Variants in SRBD1 observed in about 807,000 individuals in gnomAD.
SRBD1 encodes the protein S1 RNA binding domain 1, also known as S1 RNA-binding domain-containing protein 1.
In SRBD1, 88 loss-of-function variants were observed where a neutral mutation model predicts 115.3. That is an observed-to-expected ratio of 0.76 (90% CI 0.64 to 0.91). SRBD1 has a LOEUF of 0.91. Among genes scored for constraint, SRBD1 ranks in the 40% least tolerant of loss-of-function variants. The pLI, the probability that SRBD1 is intolerant of heterozygous loss-of-function variation, is 0.00. For synonymous variants in SRBD1, 509 were observed against 407.7 expected, an observed-to-expected ratio of 1.25 and a Z score of -2.99; for missense variants, 1,385 against 1,177.4, an observed-to-expected ratio of 1.18 and a Z score of -2.58.
chr2:45,422,947 C>A (rs983950064), intron 16 of SRBD1, among the ~76,000 whole-genome samples: 3 of 152,140 alleles, frequency 2.0e-5, no homozygotes, highest in African/African-American at 4.8e-5. Flanking sequence ...GCAAGCCCAA[C>A]TACCAGATTT....
At chr2:45,426,640 C>T (rs1668164018) in intron 16 of SRBD1, among the ~76,000 whole-genome samples, 1 of 152,176 alleles carries the variant, frequency 6.6e-6, no homozygotes, top group African/African-American at 2.4e-5. Context: ...TAGGACAAAG[C>T]TTCCAGAGGA....
rs537212504 is a variant in SRBD1, at chr2:45,595,269, G to A, written c.648+4180C>T. 5.9e-5 allele frequency among the ~76,000 whole-genome samples: 9 copies of A among 152,186 alleles called. No individual in the cohort carries two copies. In the East Asian group the frequency reaches 9.6e-4, roughly 16 times the overall value. On this transcript the variant is annotated intron_variant, in intron 4 of 20. Coordinates refer to ENST00000263736, the MANE Select transcript of SRBD1 (RefSeq NM_018079.5). Reference sequence around the variant, plus strand: ...CAGAGTTGAGAAATACACCTTGAACGGAAAAAAACAGAGGACCAAGTTATC... The same window carrying A: ...CAGAGTTGAGAAATACACCTTGAACAGAAAAAAACAGAGGACCAAGTTATC...
intron 14 of SRBD1, among the ~76,000 whole-genome samples, chr2:45,500,978 G>A (rs1160317679): frequency 6.6e-6 from 1 of 152,162 alleles, no homozygotes; most frequent in Non-Finnish European, 1.5e-5. Flanking sequence ...TAGTAGAAAG[G>A]CTTTCAGTTT....
chr2:45,523,867 C>G (rs1671361727), intron 14 of SRBD1, among the ~76,000 whole-genome samples: 1 of 151,880 alleles, frequency 6.6e-6, no homozygotes, highest in Admixed American at 6.6e-5. Flanking sequence ...AAAAAAGACA[C>G]CACAGGAAAA....
chr2:45,546,765 T>C lies in SRBD1; in HGVS notation c.1841A>G (p.Lys614Arg). The change falls in exon 14 of 21, where the codon AAG becomes AGG. Residue 614 changes from lysine to arginine, a missense_variant. By Grantham distance (26) the Lys-to-Arg change is conservative. Coordinates refer to ENST00000263736, the MANE Select transcript of SRBD1 (RefSeq NM_018079.5). Reference sequence around the variant, plus strand: ...AACATCCAGTGGTGCAAAATAATTCTTCATTATCAGGTCAGCAAAGTAAGC... The same window carrying C: ...AACATCCAGTGGTGCAAAATAATTCCTCATTATCAGGTCAGCAAAGTAAGC... The part of the protein sequence containing the change: ...TEAYFADLIM[K>R]NYFAPLDVVY... 1 of 1,614,124 alleles carries C rather than the reference T, an allele frequency of 6.2e-7. No individual in the cohort carries two copies. Among genetic ancestry groups the C allele is most frequent in the Non-Finnish European group, 8.5e-7 (1 of 1,179,998 alleles).
chr2:45,571,656 G>C (rs989327875), intron 9 of SRBD1, among the ~76,000 whole-genome samples: 5 of 151,368 alleles, frequency 3.3e-5, no homozygotes, highest in African/African-American at 1.2e-4. Flanking sequence ...AAAGCCAGGA[G>C]AATGATCTTT....
At chr2:45,441,963 G>A (rs1301398330) in intron 16 of SRBD1, among the ~76,000 whole-genome samples, 1 of 152,172 alleles carries the variant, frequency 6.6e-6, no homozygotes, top group Non-Finnish European at 1.5e-5. Flanking sequence ...AAGAGTTCCT[G>A]TTAACTCACA....
intron 14 of SRBD1, among the ~76,000 whole-genome samples, chr2:45,537,435 T>C (rs1433683778): frequency 6.6e-6 from 1 of 152,206 alleles, no homozygotes; most frequent in Non-Finnish European, 1.5e-5. Context: ...GTAGGGACTT[T>C]GCCTGTACTG....
chr2:45,436,344 C>A (rs148420330), intron 16 of SRBD1, among the ~76,000 whole-genome samples: 54 of 152,264 alleles, frequency 3.5e-4, no homozygotes, highest in Non-Finnish European at 8.8e-5. Context: ...CCACTAAGAT[C>A]AGAAACAAGA....
intron 5 of SRBD1, among the ~76,000 whole-genome samples, chr2:45,584,411 C>T (rs766998887): frequency 2.0e-5 from 3 of 152,190 alleles, no homozygotes; most frequent in Non-Finnish European, 4.4e-5. Flanking sequence ...CAAATTGATT[C>T]TGCCTCTCAA....
chr2:45,592,965 C>G (rs1169941721), intron 4 of SRBD1, among the ~76,000 whole-genome samples: 2 of 152,106 alleles, frequency 1.3e-5, no homozygotes, highest in African/African-American at 4.8e-5. Flanking sequence ...AAACAGAGAA[C>G]AAGTCTTAGA....
chr2:45,547,996 A>G (rs1469618429), intron 12 of SRBD1, among the ~76,000 whole-genome samples: 4 of 152,100 alleles, frequency 2.6e-5, no homozygotes, highest in African/African-American at 9.7e-5. Flanking sequence ...GACTTTATTT[A>G]CCTTGTGCAT....
intron 16 of SRBD1, among the ~76,000 whole-genome samples, chr2:45,446,934 A>T (rs1039777317): frequency 6.6e-6 from 1 of 152,216 alleles, no homozygotes; most frequent in African/African-American, 2.4e-5. Flanking sequence ...ACCTTTTTCA[A>T]CATGCATGAA....
chr2:45,568,928 A>T (rs6741984), intron 9 of SRBD1, among the ~76,000 whole-genome samples: 24,485 of 152,202 alleles, frequency 0.16, 2,988 homozygotes, highest in African/African-American at 0.34. Flanking sequence ...TTCTTTCAAA[A>T]TATTGAAAGT....
intron 14 of SRBD1, 57 bp downstream of exon 14, chr2:45,546,675 A>G: frequency 1.3e-6 from 2 of 1,524,110 alleles, no homozygotes; most frequent in Non-Finnish European, 1.8e-6. Flanking sequence ...TCATCACAAA[A>G]GCAACTTTAA....
chr2:45,553,555 C>A (rs1558473997), intron 11 of SRBD1, 68 bp downstream of exon 11: 3 of 971,596 alleles, frequency 3.1e-6, no homozygotes, highest in Non-Finnish European at 2.9e-6. Flanking sequence ...ATTAGCTACA[C>A]ACTGTAATGG....
intron 14 of SRBD1, among the ~76,000 whole-genome samples, chr2:45,535,929 C>T (rs993547286): frequency 6.6e-6 from 1 of 151,974 alleles, no homozygotes; most frequent in Non-Finnish European, 1.5e-5. Flanking sequence ...TTTGGTCTTC[C>T]AGAACTATTT....
At chr2:45,591,029 C>T (rs911008406) in intron 4 of SRBD1, among the ~76,000 whole-genome samples, 1 of 151,294 alleles carries the variant, frequency 6.6e-6, no homozygotes, top group African/African-American at 2.4e-5. Flanking sequence ...AAAAAAAAAC[C>T]CTCTTTCCTT....
intron 16 of SRBD1, among the ~76,000 whole-genome samples, chr2:45,449,813 C>T (rs1049081988): frequency 1.3e-5 from 2 of 152,168 alleles, no homozygotes; most frequent in African/African-American, 2.4e-5. Flanking sequence ...ACAGTTAACA[C>T]GAACTAGAGT....
Sources: allele counts gnomAD v4.1 joint callset (sites outside exome capture counted in the v4.1 genomes callset), GRCh38; gene constraint gnomAD v4.1.1; transcripts MANE v1.5; gene names NCBI Gene and HGNC (gene_info 2026-07-23, HGNC 2026-07-21).